GPR176: variants seen among roughly 807,000 people sequenced by gnomAD.
The protein encoded by GPR176 is G protein-coupled receptor 176.
A neutral mutation model predicts 35.4 loss-of-function variants in GPR176; 26 were observed. The observed-to-expected ratio is 0.74, with a 90% CI of 0.54 to 1.02. GPR176 has a LOEUF of 1.02. Among genes scored for constraint, GPR176 ranks in the 50% least tolerant of loss-of-function variants. The pLI, the probability that GPR176 is intolerant of heterozygous loss-of-function variation, is 0.00. For synonymous variants in GPR176, 278 were observed against 271.3 expected (o/e 1.02, Z -0.24); for missense variants, 597 against 665.3 (o/e 0.90, Z 1.13).
chr15:39,855,457 A>T (rs2031153055), intron 1 of GPR176, among the ~76,000 whole-genome samples: 1 of 152,202 alleles, frequency 6.6e-6, no homozygotes, highest in Non-Finnish European at 1.5e-5. Flanking sequence ...CTTAGAGATC[A>T]TGTATTTCCC....
At chr15:39,883,806 G>A (rs533536971) in intron 1 of GPR176, among the ~76,000 whole-genome samples, 131 of 151,908 alleles carry the variant, frequency 8.6e-4, no homozygotes, top group African/African-American at 3.1e-3. Context: ...GCAATCTATT[G>A]TTTTCTATTT....
chr15:39,803,271 CTTTTTTTT>C (rs769645892), intron 2 of GPR176, among the ~76,000 whole-genome samples: 3,129 of 85,558 alleles, frequency 0.037, 77 homozygotes, highest in Non-Finnish European at 0.054. Context: ...ACAAGTACTT[CTTTTTTTT>C]TTTTTTTTTT....
At chr15:39,834,916 CAG>C (rs1220912546) in intron 1 of GPR176, among the ~76,000 whole-genome samples, 2 of 152,076 alleles carry the variant, frequency 1.3e-5, no homozygotes, top group Non-Finnish European at 2.9e-5. Flanking sequence ...AAAACAAAAA[CAG>C]TAATATTGGA....
intron 1 of GPR176, among the ~76,000 whole-genome samples, chr15:39,817,393 G>A (rs565535398): frequency 4.6e-5 from 7 of 152,150 alleles, no homozygotes; most frequent in Non-Finnish European, 1.0e-4. Context: ...CATTATTTGT[G>A]AGACTGACAC....
intron 2 of GPR176, 144 bp downstream of exon 2, chr15:39,806,862 T>A (rs886266293): frequency 1.4e-5 from 10 of 700,276 alleles, no homozygotes; most frequent in Non-Finnish European, 2.3e-5. Flanking sequence ...AGGCATCTGT[T>A]TTGCACATTT....
chr15:39,898,174 G>GTAA (rs1477562929), intron 1 of GPR176, among the ~76,000 whole-genome samples: 2 of 152,064 alleles, frequency 1.3e-5, no homozygotes, highest in Non-Finnish European at 2.9e-5. Flanking sequence ...ACCAACTAGA[G>GTAA]TAACACACAA....
chr15:39,844,514 A>G (rs1228039123), intron 1 of GPR176, among the ~76,000 whole-genome samples: 1 of 152,166 alleles, frequency 6.6e-6, no homozygotes, highest in Non-Finnish European at 1.5e-5. Context: ...CCCTGAAAAG[A>G]GATCAAGAAA....
intron 1 of GPR176, among the ~76,000 whole-genome samples, chr15:39,910,413 C>A (rs908004244): frequency 6.6e-6 from 1 of 151,932 alleles, no homozygotes; most frequent in African/African-American, 2.4e-5. Context: ...CATGGTAAAA[C>A]CCCATCTCTA....
intron 1 of GPR176, among the ~76,000 whole-genome samples, chr15:39,808,517 T>A (rs911706164): frequency 1.3e-5 from 2 of 152,178 alleles, no homozygotes; most frequent in African/African-American, 4.8e-5. Flanking sequence ...CTCTAACCAT[T>A]ATTTTATTTT....
At chr15:39,889,713 C>T (rs527850936) in intron 1 of GPR176, among the ~76,000 whole-genome samples, 2 of 152,226 alleles carry the variant, frequency 1.3e-5, no homozygotes, top group South Asian at 2.1e-4. Flanking sequence ...TTGTGAATAC[C>T]TTCACTGGGA....
At chr15:39,810,417 G>A (rs1198378164) in intron 1 of GPR176, among the ~76,000 whole-genome samples, 1 of 152,190 alleles carries the variant, frequency 6.6e-6, no homozygotes, top group East Asian at 1.9e-4. Context: ...TTTTGCCTCT[G>A]CAAAATTTTA....
chr15:39,825,795 T>C (rs1302096766), intron 1 of GPR176, among the ~76,000 whole-genome samples: 1 of 152,204 alleles, frequency 6.6e-6, no homozygotes, highest in Non-Finnish European at 1.5e-5. Flanking sequence ...TGCCAATCAG[T>C]GGATGAGAAG....
At chr15:39,899,308 G>C (rs1383790750) in intron 1 of GPR176, among the ~76,000 whole-genome samples, 2 of 152,170 alleles carry the variant, frequency 1.3e-5, no homozygotes, top group Non-Finnish European at 2.9e-5. Context: ...CCAGTTCAAG[G>C]GAATCACTAT....
chr15:39,889,979 C>T (rs1453793756), intron 1 of GPR176, among the ~76,000 whole-genome samples: 1 of 152,166 alleles, frequency 6.6e-6, no homozygotes, highest in Non-Finnish European at 1.5e-5. Context: ...CATATATCTG[C>T]CCAACTCCAC....
chr15:39,807,331 G>A, intron 1 of GPR176, 73 bp from the exon 2 acceptor site: 1 of 1,023,350 alleles, frequency 9.8e-7, no homozygotes, highest in South Asian at 2.5e-5. Context: ...AAAAGTACAG[G>A]TTAAAAAATG....
At chr15:39,909,306 C>T (rs1023518544) in intron 1 of GPR176, among the ~76,000 whole-genome samples, 4 of 152,124 alleles carry the variant, frequency 2.6e-5, no homozygotes, top group South Asian at 4.1e-4. Flanking sequence ...TACTTCCTCA[C>T]GTAATAGTTG....
intron 1 of GPR176, among the ~76,000 whole-genome samples, chr15:39,829,769 C>G (rs543499349): frequency 6.6e-6 from 1 of 152,192 alleles, no homozygotes; most frequent in Admixed American, 6.5e-5. Flanking sequence ...TTGGAGGAAG[C>G]CTGTCCCAAA....
intron 1 of GPR176, among the ~76,000 whole-genome samples, chr15:39,881,860 T>A (rs895357642): frequency 1.6e-4 from 25 of 152,328 alleles, no homozygotes; most frequent in African/African-American, 6.0e-4. Context: ...GCAACTGGGA[T>A]GGTTTCTCAC....
chr15:39,917,341 CTT>C (rs766888618), intron 1 of GPR176, among the ~76,000 whole-genome samples: 13 of 134,924 alleles, frequency 9.6e-5, no homozygotes, highest in African/African-American at 1.1e-4. Flanking sequence ...TGTGATTGAA[CTT>C]TTTTTTTTTT....
Sources: gnomAD v4.1 joint callset for allele counts (sites outside exome capture counted in the v4.1 genomes callset) on GRCh38, gnomAD v4.1.1 for gene constraint, MANE v1.5 for transcripts, NCBI Gene and HGNC (gene_info 2026-07-23, HGNC 2026-07-21) for gene names.